The following DPP8 variants were observed in gnomAD, a reference collection of about 807,000 sequenced individuals.
DPP8 encodes the protein DPP VIII.
In DPP8, 31 loss-of-function variants were observed where a neutral mutation model predicts 107.5. The observed-to-expected ratio is 0.29, with a 90% CI of 0.22 to 0.39. The LOEUF is 0.39. Ranked by LOEUF, DPP8 falls within the 10% of genes least tolerant of loss-of-function variation. The pLI is 1.00. For synonymous variants in DPP8, 381 were observed against 356.6 expected, an observed-to-expected ratio of 1.07 and a Z score of -0.77; for missense variants, 842 against 1,076.1, an observed-to-expected ratio of 0.78 and a Z score of 3.04.
At chr15:65,485,417 G>A (rs113672314) in intron 7 of DPP8, among the ~76,000 whole-genome samples, 17 of 151,502 alleles carry the variant, frequency 1.1e-4, no homozygotes, top group East Asian at 5.8e-4. Flanking sequence ...GGTGGTGTGC[G>A]CCTGTAATCC....
chr15:65,474,356 C>T (rs991757782), intron 11 of DPP8, 68 bp from the exon 12 acceptor site: 5 of 1,193,538 alleles, frequency 4.2e-6, no homozygotes, highest in East Asian at 2.4e-5. Flanking sequence ...CAATTAAGAA[C>T]AGTACTCTAA....
At chr15:65,476,363 T>C (rs181050933) in intron 11 of DPP8, among the ~76,000 whole-genome samples, 2 of 152,184 alleles carry the variant, frequency 1.3e-5, no homozygotes, top group South Asian at 2.1e-4. Context: ...TGTTAACATA[T>C]AGATAACAAA....
intron 18 of DPP8, 127 bp downstream of exon 18, chr15:65,451,833 G>GA: frequency 1.1e-6 from 1 of 935,822 alleles, no homozygotes; most frequent in Non-Finnish European, 1.5e-6. Flanking sequence ...GCTGAGGTGG[G>GA]AGGATCCTCT....
chr15:65,454,276 G>A lies in DPP8; in HGVS notation c.2258C>T (p.Ser753Leu). 6.5e-7 allele frequency: 1 copy of A among 1,548,510 alleles called. No homozygotes were observed. Among genetic ancestry groups the A allele is most frequent in the Non-Finnish European group, 8.6e-7 (1 of 1,156,782 alleles). ...YLSLMALMQR[S>L]DIFRVAIAGA... The stretch of plus-strand genomic sequence containing the variant: ...GAAGTCACATACCCTGAAGATATCT[G>A]ACCTCTGCATTAATGCCATCAGGGA... The change falls in exon 17 of 20, where the codon TCA (serine) becomes TTA (leucine). Residue 753 changes from serine (S) to leucine (L), a missense_variant. By Grantham distance (145) the Ser-to-Leu change is moderately radical. Around this residue, in one of 2 missense-constraint regions of DPP8, gnomAD observed 179 missense variants for 318.0 expected, o/e 0.56. Coordinates refer to ENST00000300141, the MANE Select transcript of DPP8 (RefSeq NM_130434.5).
chr15:65,452,224 G>A (rs1173251245), intron 17 of DPP8, 122 bp from the exon 18 acceptor site: 5 of 1,123,958 alleles, frequency 4.4e-6, no homozygotes, highest in South Asian at 1.9e-5. Flanking sequence ...TACTACTGGC[G>A]CATACATGTC....
In DPP8 at chr15:65,498,788, G is replaced by C. The variant is rs1208668130; in HGVS notation, c.547-756C>G. ...CTAAAGCTCATAATCAATTGCCTAG[G>C]ATAAAACCAAACATAAGCCACTTGA... is the stretch of plus-strand genomic sequence containing the variant. On this transcript the variant is annotated intron_variant, in intron 4 of 19. Coordinates refer to ENST00000300141, the MANE Select transcript of DPP8 (RefSeq NM_130434.5). Among the ~76,000 whole-genome samples the C allele has an allele frequency of 2.0e-5, 3 of 152,060 alleles. No individual in the cohort carries two copies. In the East Asian group the frequency reaches 5.8e-4, roughly 29 times the overall value.
chr15:65,500,570 C>T, intron 4 of DPP8, 36 bp downstream of exon 4: 1 of 1,588,594 alleles, frequency 6.3e-7, no homozygotes, highest in Non-Finnish European at 8.6e-7. Flanking sequence ...CCTTTTGGAC[C>T]CAAACCAGAT....
At chr15:65,511,676 A>G (rs2070794765) in intron 2 of DPP8, among the ~76,000 whole-genome samples, 1 of 151,224 alleles carries the variant, frequency 6.6e-6, no homozygotes. Context: ...TATGACATGA[A>G]CTCATGCAGA....
chr15:65,470,906 G>GA lies in DPP8; in HGVS notation c.1536+3302dup, dbSNP rs1470258603. Among the ~76,000 whole-genome samples the GA allele has an allele frequency of 4.2e-5, 6 of 141,494 alleles. No homozygotes were observed. The East Asian group carries it at 1.2e-3, about 28-fold the overall frequency. The allele number at this position is 141,494 out of a possible 152,430, so 92.8% of individuals were successfully genotyped here. On this transcript the variant is annotated intron_variant, in intron 12 of 19. Transcript: ENST00000300141. ...TGTACTCCAACCTGGGTGACAGAGT[G>GA]AGACTCTTATCTCAAAAAAAAAAAA...
At chr15:65,453,682 C>T (rs2064160155) in intron 17 of DPP8, among the ~76,000 whole-genome samples, 1 of 152,168 alleles carries the variant, frequency 6.6e-6, no homozygotes, top group Non-Finnish European at 1.5e-5. Flanking sequence ...TGCGTCACTG[C>T]ACTCCAGCCT....
In DPP8 at chr15:65,480,365, G is replaced by A. The variant is rs769345024; in HGVS notation, c.1153C>T (p.Arg385Cys). ...WSILLDRSQT[R>C]LQIVLISPEL... ...GGTGAGATCAACACTATCTGTAGGC[G>A]AGTCTGGGAGCGATCTAGTAGGATG... The change falls in exon 10 of 20, where the codon CGC becomes TGC. Residue 385 changes from arginine to cysteine, a missense_variant. By Grantham distance (180) the Arg-to-Cys change is radical. Coordinates refer to ENST00000300141, the MANE Select transcript of DPP8 (RefSeq NM_130434.5). 3.1e-6 allele frequency: 5 copies of A among 1,613,258 alleles called. No homozygotes were observed. Among genetic ancestry groups the A allele is most frequent in the Middle Eastern group, 1.7e-4 (1 of 6,058 alleles).
At chr15:65,460,148 T>C (rs1165013590) in intron 15 of DPP8, among the ~76,000 whole-genome samples, 1 of 152,010 alleles carries the variant, frequency 6.6e-6, no homozygotes, top group Non-Finnish European at 1.5e-5. Context: ...TCTGTACCCA[T>C]TAATAACTTC....
In DPP8 at chr15:65,452,053, C is replaced by G; in HGVS notation, c.2321G>C (p.Gly774Ala). The stretch of plus-strand genomic sequence containing the variant: ...GTGACCCATATAACGTTCCGTGTAT[C>G]CTGTATCATAGAAGATCCACAGAGT... ...PVTLWIFYDTGYTERYMGHPD... is the reference protein window; with the variant it reads ...PVTLWIFYDTAYTERYMGHPD... Residue 774 changes from glycine to alanine, a missense_variant, in exon 18 of 20, where the codon GGA becomes GCA. Gly to Ala is a moderately conservative substitution (Grantham distance 60). Around this residue, in one of 2 missense-constraint regions of DPP8, gnomAD observed 179 missense variants for 318.0 expected, o/e 0.56. Transcript: ENST00000300141. The G allele has an allele frequency of 6.2e-7, 1 of 1,612,192 alleles. No homozygotes were observed. Among genetic ancestry groups the G allele is most frequent in the East Asian group, 2.2e-5 (1 of 44,736 alleles).
intron 6 of DPP8, among the ~76,000 whole-genome samples, chr15:65,488,167 C>G (rs1284031697): frequency 6.6e-6 from 1 of 151,930 alleles, no homozygotes; most frequent in African/African-American, 2.4e-5. Flanking sequence ...AAAATAAATA[C>G]TACTTAAATA....
At chr15:65,488,536 A>G (rs1056972310) in intron 6 of DPP8, among the ~76,000 whole-genome samples, 14 of 139,822 alleles carry the variant, frequency 1.0e-4, no homozygotes, top group Admixed American at 6.0e-4. Context: ...TGAGCCCGGG[A>G]GGCAGACTTT....
At chr15:65,463,940 G>C in intron 14 of DPP8, 34 bp from the exon 15 acceptor site, 1 of 1,467,674 alleles carries the variant, frequency 6.8e-7, no homozygotes, top group South Asian at 1.4e-5. Context: ...GTCTACAAAA[G>C]AGTTCTTATG....
chr15:65,476,614 C>T (rs1466468719), intron 11 of DPP8, among the ~76,000 whole-genome samples: 1 of 152,084 alleles, frequency 6.6e-6, no homozygotes, highest in Non-Finnish European at 1.5e-5. Flanking sequence ...TGGTGTAGCT[C>T]CTATGGAAAA....
intron 8 of DPP8, among the ~76,000 whole-genome samples, chr15:65,482,342 C>T (rs1182757334): frequency 1.3e-5 from 2 of 152,058 alleles, no homozygotes; most frequent in Non-Finnish European, 2.9e-5. Flanking sequence ...AGTGCAGTGG[C>T]GCCATCTCGA....
intron 2 of DPP8, among the ~76,000 whole-genome samples, chr15:65,510,960 T>C (rs1429387775): frequency 1.3e-5 from 2 of 152,188 alleles, no homozygotes; most frequent in African/African-American, 4.8e-5. Flanking sequence ...GTTTAATTAC[T>C]CACTACTGGT....
Sources: gnomAD v4.1 joint callset for allele counts (sites outside exome capture counted in the v4.1 genomes callset) on GRCh38, gnomAD v4.1.1 for gene constraint, gnomAD v4.1.1 regional missense constraint, MANE v1.5 for transcripts, NCBI Gene and HGNC (gene_info 2026-07-23, HGNC 2026-07-21) for gene names.